Variants in CFAP57 observed in about 807,000 individuals in gnomAD.
CFAP57 encodes cilia and flagella associated protein 57.
Under a neutral mutation model 146.8 loss-of-function variants are expected in CFAP57, and 116 were observed. That is an observed-to-expected ratio of 0.79 (90% CI 0.68 to 0.92). CFAP57 has a LOEUF of 0.92. Among genes scored for constraint, CFAP57 ranks in the 40% least tolerant of loss-of-function variants. The pLI is 0.00. For missense variants in CFAP57, 1,377 were observed against 1,527.2 expected (o/e 0.90, Z 1.64); for synonymous variants, 518 against 552.8 (o/e 0.94, Z 0.88).
chr1:43,211,123 T>G (rs890382473), intron 11 of CFAP57, among the ~76,000 whole-genome samples: 7 of 152,080 alleles, frequency 4.6e-5, no homozygotes, highest in African/African-American at 1.7e-4. Flanking sequence ...TAAGAAAAGG[T>G]TTCTCATTAT....
In CFAP57 at chr1:43,201,646, G is replaced by A. The variant is rs568046102; in HGVS notation, c.1542+2143G>A. ...AACTCTTTTTTTGAGACAGAGTTTC[G>A]CTTTCGTTGCCCAGGCTGGAGTGCA... On this transcript the variant is annotated intron_variant, in intron 9 of 22. Coordinates refer to ENST00000372492, the MANE Select transcript of CFAP57 (RefSeq NM_001378189.1). The surrounding 1 kb of genome is among the most constrained non-coding windows in gnomAD (Gnocchi z 4.4). 2.6e-5 allele frequency among the ~76,000 whole-genome samples: 4 copies of A among 151,952 alleles called. No homozygotes were observed. Among genetic ancestry groups the A allele is most frequent in the East Asian group, 1.9e-4 (1 of 5,148 alleles).
chr1:43,220,592 C>T (rs968885409), intron 13 of CFAP57, among the ~76,000 whole-genome samples: 3 of 152,114 alleles, frequency 2.0e-5, no homozygotes, highest in Non-Finnish European at 4.4e-5. Flanking sequence ...GCCATGGTGG[C>T]ATCTGCCTGT....
chr1:43,249,235 C>A (rs187557803), intron 22 of CFAP57, among the ~76,000 whole-genome samples: 1 of 151,786 alleles, frequency 6.6e-6, no homozygotes, highest in African/African-American at 2.4e-5. Context: ...ACCCAGATAC[C>A]CACATAGCCA....
chr1:43,250,523 A>G (rs1014064445), intron 22 of CFAP57: 3 of 152,242 alleles, frequency 2.0e-5, no homozygotes, highest in African/African-American at 4.8e-5. Context: ...CCAGATTCCA[A>G]ACAAGATTGG....
Position 43,232,607 on chromosome 1 carries a change from C to G in CFAP57, c.3109C>G (p.Arg1037Gly). 6.5e-7 allele frequency: 1 copy of G among 1,543,198 alleles called. No homozygotes were observed. Reference protein sequence around the residue: ...QKLRATDQEMRRERQKERDLE... With the variant: ...QKLRATDQEMGRERQKERDLE... ...ACTGAGAGCCACCGATCAGGAGATG[C>G]GCAGAGAGAGACAGAAGGTGTGAGG... Residue 1037 changes from arginine to glycine, a missense_variant, in exon 19 of 23, where the codon CGC (arginine) becomes GGC (glycine). Physicochemically the swap from Arg to Gly is moderately radical, Grantham distance 125. Transcript: ENST00000372492.
intron 6 of CFAP57, among the ~76,000 whole-genome samples, chr1:43,187,337 AT>A: frequency 6.6e-6 from 1 of 152,242 alleles, no homozygotes; most frequent in East Asian, 1.9e-4. Context: ...AGATATTACA[AT>A]TTTAAGTTTG....
chr1:43,248,872 T>TCATA (rs1444185633), intron 22 of CFAP57, among the ~76,000 whole-genome samples: 1 of 77,288 alleles, frequency 1.3e-5, no homozygotes, highest in Non-Finnish European at 2.5e-5. Context: ...TTTCTCCATA[T>TCATA]CATAACCTTT....
intron 19 of CFAP57, among the ~76,000 whole-genome samples, chr1:43,234,020 C>A (rs1185395275): frequency 1.3e-5 from 2 of 152,122 alleles, no homozygotes; most frequent in Non-Finnish European, 1.5e-5. Context: ...ATCTGTGTGG[C>A]CTCTTAAGGA....
At chr1:43,195,932 C>T (rs1643851764) in intron 6 of CFAP57, among the ~76,000 whole-genome samples, 1 of 152,048 alleles carries the variant, frequency 6.6e-6, no homozygotes, top group Non-Finnish European at 1.5e-5. Flanking sequence ...TGAATCTCTG[C>T]AAGTCTGCTT....
chr1:43,245,438 G>T (rs2124673451), intron 22 of CFAP57, among the ~76,000 whole-genome samples: 1 of 152,204 alleles, frequency 6.6e-6, no homozygotes, highest in Non-Finnish European at 1.5e-5. Context: ...CTATCTTGGA[G>T]ATTTCCAGAC....
chr1:43,252,626 C>CA (rs962126123), intron 22 of CFAP57, among the ~76,000 whole-genome samples: 10 of 151,644 alleles, frequency 6.6e-5, no homozygotes, highest in Non-Finnish European at 8.8e-5. Flanking sequence ...TCAACAACAA[C>CA]AAAAAAATCA....
At chr1:43,181,874 C>T (rs1358662006) in intron 3 of CFAP57, 24 bp downstream of exon 3, 8 of 1,610,502 alleles carry the variant, frequency 5.0e-6, no homozygotes, top group Non-Finnish European at 5.9e-6. Context: ...TGACAAGTAT[C>T]GTGAAAATTA....
chr1:43,240,750 C>T (rs1645881935), intron 21 of CFAP57, among the ~76,000 whole-genome samples: 1 of 152,156 alleles, frequency 6.6e-6, no homozygotes, highest in Admixed American at 6.5e-5. Flanking sequence ...AAGCATGGCA[C>T]CAGCATTGCT....
At position 43,209,474 on chromosome 1, in the gene CFAP57, C is replaced by T. The variant is rs189167572; in HGVS notation, c.1756-269C>T. On this transcript the variant is annotated intron_variant, in intron 10 of 22. Transcript: ENST00000372492. ...AGAAGGCACAGAACAGTGCTTGGCA[C>T]ATAGTAAGTGCTATATGAATATCTC... 2.2e-3 allele frequency among the ~76,000 whole-genome samples: 340 copies of T among 152,264 alleles called. 2 individuals are homozygous for T. Among genetic ancestry groups the T allele is most frequent in the African/African-American group, 8.0e-3 (333 of 41,540 alleles).
In CFAP57 at chr1:43,211,068, T is replaced by C. The variant is rs111757292; in HGVS notation, c.1929+1152T>C. On this transcript the variant is annotated intron_variant, in intron 11 of 22. Transcript: ENST00000372492. ...TGACACAGCACCTGAGGTTTTGAGT[T>C]ATATCCCAAACTCCTTAGTGGCTTA... Among the ~76,000 whole-genome samples, 74 of 152,218 alleles carry C rather than the reference T, an allele frequency of 4.9e-4. 1 individual carries two copies. The highest frequency in any genetic ancestry group is 1.3e-3 in the African/African-American group (56 of 41,530).
intron 11 of CFAP57, among the ~76,000 whole-genome samples, chr1:43,213,564 G>T (rs1419763985): frequency 6.6e-6 from 1 of 151,634 alleles, no homozygotes; most frequent in African/African-American, 2.4e-5. Context: ...CTTTAGAAAA[G>T]TATCCAGTAA....
chr1:43,251,708 A>G (rs61769003), intron 22 of CFAP57, among the ~76,000 whole-genome samples: 2,524 of 152,386 alleles, frequency 0.017, 45 homozygotes, highest in Admixed American at 0.032. Flanking sequence ...GTGACCAGCA[A>G]TTATATAAAT....
intron 21 of CFAP57, among the ~76,000 whole-genome samples, chr1:43,237,481 C>A (rs996343633): frequency 6.6e-6 from 1 of 152,204 alleles, no homozygotes; most frequent in Admixed American, 6.5e-5. Flanking sequence ...CATTGGGAAC[C>A]TGGACCAGAT....
At chr1:43,175,342 A>G (rs1276428280) in intron 2 of CFAP57, among the ~76,000 whole-genome samples, 3 of 151,946 alleles carry the variant, frequency 2.0e-5, no homozygotes, top group African/African-American at 7.2e-5. Flanking sequence ...ACATACATAT[A>G]GATACAGACA....
Sources: gnomAD v4.1 joint callset for allele counts (sites outside exome capture counted in the v4.1 genomes callset) on GRCh38, gnomAD v4.1.1 for gene constraint, Gnocchi (gnomAD v3.1) non-coding constraint, MANE v1.5 for transcripts, NCBI Gene and HGNC (gene_info 2026-07-23, HGNC 2026-07-21) for gene names.